USP40: variants seen among roughly 807,000 people sequenced by gnomAD.
The protein encoded by USP40 is ubiquitin specific peptidase 40.
Under a neutral mutation model 166.2 loss-of-function variants are expected in USP40, and 143 were observed. The ratio of observed to expected loss-of-function variants is 0.86; its 90% CI spans 0.75 to 0.99. The LOEUF is 0.99. USP40 is among the 50% of genes least tolerant of loss of function. The probability of loss-of-function intolerance (pLI) is 0.00; values close to 1 mark genes in which losing one functional copy is unlikely to be tolerated. For synonymous variants in USP40, 498 were observed against 524.0 expected (o/e 0.95, Z 0.68); for missense variants, 1,444 against 1,479.7 (o/e 0.98, Z 0.40).
chr2:233,563,363 C>T (rs1229469540), intron 2 of USP40, among the ~76,000 whole-genome samples: 1 of 152,124 alleles, frequency 6.6e-6, no homozygotes, highest in Non-Finnish European at 1.5e-5. Flanking sequence ...ATGTGCCACC[C>T]AATGGGGCAT....
chr2:233,509,712 G>A (rs1010549419), intron 21 of USP40, among the ~76,000 whole-genome samples: 1 of 151,628 alleles, frequency 6.6e-6, no homozygotes, highest in Non-Finnish European at 1.5e-5. Context: ...GTGGTAGTAG[G>A]TAACTGTAAT....
At chr2:233,524,306 T>G (rs1405238986) in intron 15 of USP40, among the ~76,000 whole-genome samples, 186 bp downstream of exon 15, 1 of 152,156 alleles carries the variant, frequency 6.6e-6, no homozygotes, top group Non-Finnish European at 1.5e-5. Context: ...ATTTTTGTAT[T>G]TTTAATAGAG....
At chr2:233,489,622 A>G (rs2065177069) in intron 26 of USP40, 139 bp from the exon 27 acceptor site, 1 of 704,510 alleles carries the variant, frequency 1.4e-6, no homozygotes, top group African/African-American at 1.8e-5. Context: ...CATCATTTTA[A>G]AAGTCACAGG....
At chr2:233,550,036 C>G (rs1019444497) in intron 7 of USP40, among the ~76,000 whole-genome samples, 1 of 152,084 alleles carries the variant, frequency 6.6e-6, no homozygotes, top group Admixed American at 6.6e-5. Context: ...TCTGAGGGCT[C>G]TAAAACTACA....
At chr2:233,478,763 T>G (rs2125011806) in intron 31 of USP40, among the ~76,000 whole-genome samples, 1 of 152,176 alleles carries the variant, frequency 6.6e-6, no homozygotes, top group East Asian at 1.9e-4. Context: ...ACGGGGCAGC[T>G]GAGTACACAC....
At chr2:233,488,156 A>G in intron 28 of USP40, 83 bp downstream of exon 28, 1 of 1,145,162 alleles carries the variant, frequency 8.7e-7, no homozygotes, top group Non-Finnish European at 1.3e-6. Context: ...AAAATGCTAC[A>G]CTATGAAGTT....
rs182269406 is a variant in USP40 at position 233,507,339 on chromosome 2, A to G, written c.2613+2710T>C. ...ATTACTGGGTATGTGTCCAAAGGGT[A>G]TGAAATCAGTGTGTCAAAGAGATAT... On this transcript the variant is annotated intron_variant, in intron 21 of 31. Transcript: ENST00000678225. Among the ~76,000 whole-genome samples, 82 of 152,344 alleles carry G rather than the reference A, an allele frequency of 5.4e-4. 1 individual carries two copies. The East Asian group carries it at 0.012, about 23-fold the overall frequency.
chr2:233,522,906 A>C (rs1267109102), intron 16 of USP40, among the ~76,000 whole-genome samples: 1 of 152,254 alleles, frequency 6.6e-6, no homozygotes, highest in Non-Finnish European at 1.5e-5. Context: ...CAGCCAACTA[A>C]TTGATACTCT....
intron 4 of USP40, among the ~76,000 whole-genome samples, chr2:233,558,843 C>T (rs1378141706): frequency 9.2e-5 from 14 of 152,116 alleles, no homozygotes; most frequent in African/African-American, 3.4e-4. Flanking sequence ...ACCAGCCCTA[C>T]ACCAGAAATT....
intron 17 of USP40, among the ~76,000 whole-genome samples, chr2:233,520,485 C>T (rs529587514): frequency 1.3e-5 from 2 of 152,044 alleles, no homozygotes; most frequent in Admixed American, 1.3e-4. Context: ...AAAGGTATTT[C>T]CTGAGATGGT....
rs187198401 is a variant in USP40, at chr2:233,486,947, C to G, written c.3198-970G>C. ...GGGGACAGAGGCTGCTGGAGAGAAA[C>G]AGGAGGGACTAGAGGCCTCCTTGAG... is the stretch of plus-strand genomic sequence containing the variant. On this transcript the variant is annotated intron_variant, in intron 28 of 31. Transcript: ENST00000678225. The surrounding 1 kb of genome is among the most constrained non-coding windows in gnomAD (Gnocchi z 4.0). 6.6e-6 allele frequency among the ~76,000 whole-genome samples: 1 copy of G among 152,154 alleles called. No individual in the cohort carries two copies. The highest frequency in any genetic ancestry group is 1.5e-5 in the Non-Finnish European group (1 of 68,032).
At chr2:233,494,940 A>T (rs1237696758) in intron 24 of USP40, among the ~76,000 whole-genome samples, 5 of 50,358 alleles carry the variant, frequency 9.9e-5, no homozygotes, top group South Asian at 5.1e-4. Flanking sequence ...ATATATATAT[A>T]TATATATATA....
At chr2:233,510,399 T>TTC (rs2066731797) in intron 20 of USP40, among the ~76,000 whole-genome samples, 3 of 131,636 alleles carry the variant, frequency 2.3e-5, no homozygotes. Context: ...TTTCTTTTTT[T>TTC]TTTTTTTTTT....
chr2:233,504,825 A>T (rs944306741), intron 21 of USP40, among the ~76,000 whole-genome samples: 1 of 152,034 alleles, frequency 6.6e-6, no homozygotes, highest in Non-Finnish European at 1.5e-5. Context: ...ACAAAGAAAC[A>T]TTAAACTTAA....
At chr2:233,527,187 T>C (rs1188676624) in intron 13 of USP40, among the ~76,000 whole-genome samples, 2 of 152,202 alleles carry the variant, frequency 1.3e-5, no homozygotes, top group Non-Finnish European at 2.9e-5. Context: ...GTACCAGGCC[T>C]GATTGTCTAC....
intron 2 of USP40, 46 bp downstream of exon 2, chr2:233,565,310 A>G (rs1200914163): frequency 8.0e-6 from 11 of 1,370,278 alleles, no homozygotes; most frequent in Non-Finnish European, 9.9e-6. Flanking sequence ...TTACATGTAA[A>G]GAAGATGGTA....
At chr2:233,539,331 A>T (rs2069187351) in intron 10 of USP40, among the ~76,000 whole-genome samples, 2 of 152,188 alleles carry the variant, frequency 1.3e-5, no homozygotes, top group Non-Finnish European at 2.9e-5. Flanking sequence ...GTGAACACAG[A>T]ACATTGAGCA....
At chr2:233,527,222 T>C (rs1012359986) in intron 13 of USP40, among the ~76,000 whole-genome samples, 185 bp downstream of exon 13, 1 of 152,182 alleles carries the variant, frequency 6.6e-6, no homozygotes, top group African/African-American at 2.4e-5. Flanking sequence ...GTAGGAGCTG[T>C]GGAGAAAAGC....
In USP40 at chr2:233,489,386, CGT is replaced by C; in HGVS notation, c.3108_3109del (p.Arg1037AsnfsTer2). On this transcript the variant is annotated frameshift_variant, in exon 27 of 32. Coordinates refer to ENST00000678225, the MANE Select transcript of USP40 (RefSeq NM_001365479.2). LOFTEE classifies it high-confidence loss of function. ...CTACCTGAGTGGCTGCCGGTCAGTT[CGT>C]AAAAGCCTGCCTGGGCGCTTCCTCT... The C allele has an allele frequency of 6.3e-7, 1 of 1,596,370 alleles. No homozygotes were observed.
Sources: allele counts gnomAD v4.1 joint callset (sites outside exome capture counted in the v4.1 genomes callset), GRCh38; gene constraint gnomAD v4.1.1; non-coding constraint Gnocchi (gnomAD v3.1); transcripts MANE v1.5; gene names NCBI Gene and HGNC (gene_info 2026-07-23, HGNC 2026-07-21).